Variants in PIEZO2 observed in about 807,000 individuals in gnomAD.
PIEZO2 encodes the protein piezo type mechanosensitive ion channel component 2.
Under a neutral mutation model 337.3 loss-of-function variants are expected in PIEZO2, and 172 were observed. That is an observed-to-expected ratio of 0.51 (90% CI 0.45 to 0.58). PIEZO2 has a LOEUF of 0.58. Among genes scored for constraint, PIEZO2 ranks in the 20% least tolerant of loss-of-function variants. PIEZO2 has a pLI of 0.00. For synonymous variants in PIEZO2, 1,251 were observed against 1,228.5 expected (o/e 1.02, Z -0.38); for missense variants, 3,028 against 3,391.3 (o/e 0.89, Z 2.66).
intron 7 of PIEZO2, among the ~76,000 whole-genome samples, chr18:10,841,698 G>T (rs2041197821): frequency 6.6e-6 from 1 of 152,202 alleles, no homozygotes; most frequent in Admixed American, 6.5e-5. Context: ...CCTTCAGGAT[G>T]AAATGAAAGA....
intron 39 of PIEZO2, among the ~76,000 whole-genome samples, chr18:10,711,556 G>A (rs148015318): frequency 6.6e-6 from 1 of 152,096 alleles, no homozygotes; most frequent in Non-Finnish European, 1.5e-5. Flanking sequence ...ACAAATTAAT[G>A]AAGAAAGGCA....
At position 10,834,666 on chromosome 18, in the gene PIEZO2, C is replaced by T. The variant is rs1225579716; in HGVS notation, c.917+20687G>A. On this transcript the variant is annotated intron_variant, in intron 7 of 55. Transcript: ENST00000674853. This position sits in a 1 kb window ranked among gnomAD's most constrained non-coding sequence, Gnocchi z 4.5. ...AACTGTAGGAAGAAGAAGCCAAAGCCGCAGGAGGCTAGATCAGAGAGGAAG... is the reference window on the plus strand; with the variant it reads ...AACTGTAGGAAGAAGAAGCCAAAGCTGCAGGAGGCTAGATCAGAGAGGAAG... Among the ~76,000 whole-genome samples, 3 of 152,254 alleles carry T rather than the reference C, an allele frequency of 2.0e-5. No homozygotes were observed. Among genetic ancestry groups the T allele is most frequent in the Non-Finnish European group, 4.4e-5 (3 of 68,022 alleles).
chr18:10,902,316 G>A (rs773187854), intron 4 of PIEZO2, among the ~76,000 whole-genome samples: 17 of 152,204 alleles, frequency 1.1e-4, no homozygotes, highest in Admixed American at 3.3e-4. Context: ...TGCTATGACC[G>A]AAGTTTAACT....
In PIEZO2 at chr18:10,980,642, G is replaced by C. The variant is rs763014997; in HGVS notation, c.161-982C>G. Among the ~76,000 whole-genome samples the C allele has an allele frequency of 7.2e-5, 11 of 152,074 alleles. No individual in the cohort carries two copies. Among genetic ancestry groups the C allele is most frequent in the Non-Finnish European group, 1.3e-4 (9 of 68,002 alleles). On this transcript the variant is annotated intron_variant, in intron 2 of 55. Transcript: ENST00000674853. This position sits in a 1 kb window ranked among gnomAD's most constrained non-coding sequence, Gnocchi z 4.8. ...ACAGAGAACGCCAAACTAACTCCAT[G>C]ACCAACTATCAGAATATAAGAATTT...
chr18:10,993,566 G>A lies in PIEZO2; in HGVS notation c.161-13906C>T, dbSNP rs1347050427. ...TTTTGAGGCGGAGTCTCGCTCTGTG[G>A]CCCAGGCTGGAGTACAGTGGCACGA... is the stretch of plus-strand genomic sequence containing the variant. On this transcript the variant is annotated intron_variant, in intron 2 of 55. Transcript: ENST00000674853. This position sits in a 1 kb window ranked among gnomAD's most constrained non-coding sequence, Gnocchi z 5.0. Among the ~76,000 whole-genome samples the A allele has an allele frequency of 6.6e-6, 1 of 152,040 alleles. No homozygotes were observed. The highest frequency in any genetic ancestry group is 1.5e-5 in the Non-Finnish European group (1 of 68,002).
intron 20 of PIEZO2, 145 bp from the exon 21 acceptor site, chr18:10,770,453 G>A: frequency 1.3e-6 from 1 of 756,530 alleles, no homozygotes; most frequent in Non-Finnish European, 2.0e-6. Flanking sequence ...TCTGGAATAA[G>A]GATGATGTAA....
At chr18:10,805,162 C>A in intron 8 of PIEZO2, among the ~76,000 whole-genome samples, 1 of 152,184 alleles carries the variant, frequency 6.6e-6, no homozygotes, top group East Asian at 1.9e-4. Flanking sequence ...AGCAAATGGG[C>A]TGGGAAATCT....
Position 11,035,314 on chromosome 18 carries a change from CCTCTCT to C in PIEZO2, c.160+30807_160+30812del, listed in dbSNP as rs113371336. Among the ~76,000 whole-genome samples the C allele has an allele frequency of 7.3e-5, 11 of 149,706 alleles. No homozygotes were observed. The highest frequency in any genetic ancestry group is 4.2e-4 in the South Asian group (2 of 4,722). ...AAGCCTGGCACCTTCTCTCTCTCTC[CCTCTCT>C]CTCTCTCTCTCTCTTTCTCTCTCTC... is the stretch of plus-strand genomic sequence containing the variant. On this transcript the variant is annotated intron_variant, in intron 2 of 55. Transcript: ENST00000674853. The surrounding 1 kb of genome is among the most constrained non-coding windows in gnomAD (Gnocchi z 4.3).
chr18:11,121,331 A>G (rs2040024489), intron 1 of PIEZO2, among the ~76,000 whole-genome samples: 1 of 151,950 alleles, frequency 6.6e-6, no homozygotes, highest in African/African-American at 2.4e-5. Flanking sequence ...AAGGCAGGAG[A>G]ATCACTTGAA....
At chr18:10,840,200 C>A (rs116289135) in intron 7 of PIEZO2, among the ~76,000 whole-genome samples, 1,705 of 152,142 alleles carry the variant, frequency 0.011, 36 homozygotes, top group African/African-American at 0.039. Flanking sequence ...TAGAGAAAGT[C>A]AAATACTAAC....
intron 3 of PIEZO2, among the ~76,000 whole-genome samples, chr18:10,928,641 A>G (rs1369372079): frequency 6.6e-6 from 1 of 152,250 alleles, no homozygotes; most frequent in Non-Finnish European, 1.5e-5. Flanking sequence ...CCAGGCCTTC[A>G]TGCCATCACA....
intron 7 of PIEZO2, among the ~76,000 whole-genome samples, chr18:10,844,521 G>A (rs2041291603): frequency 1.3e-5 from 2 of 151,932 alleles, no homozygotes; most frequent in South Asian, 4.2e-4. Flanking sequence ...GGGCACGGTG[G>A]CTCACGCCTG....
At chr18:10,984,497 C>G (rs1051020183) in intron 2 of PIEZO2, among the ~76,000 whole-genome samples, 1 of 151,878 alleles carries the variant, frequency 6.6e-6, no homozygotes, top group African/African-American at 2.4e-5. Context: ...AGAATAACAT[C>G]AAAGAACTCA....
In PIEZO2 at chr18:10,813,111, C is replaced by G. The variant is rs567669445; in HGVS notation, c.918-5837G>C. ...TCTCCTGCCTCAGCCTCCGGAGTAT[C>G]TAGGATTACAGGCACGCGCCACCAC... On this transcript the variant is annotated intron_variant, in intron 7 of 55. Coordinates refer to ENST00000674853, the MANE Select transcript of PIEZO2 (RefSeq NM_001378183.1). This position sits in a 1 kb window ranked among gnomAD's most constrained non-coding sequence, Gnocchi z 4.2. Among the ~76,000 whole-genome samples the G allele has an allele frequency of 6.6e-6, 1 of 151,782 alleles. No individual in the cohort carries two copies. The highest frequency in any genetic ancestry group is 2.4e-5 in the African/African-American group (1 of 41,302).
In PIEZO2 at chr18:10,670,517, C is replaced by T. The variant is rs1487735606; in HGVS notation, c.*1010G>A. On this transcript the variant is annotated 3_prime_UTR_variant, in exon 56 of 56. Coordinates refer to ENST00000674853, the MANE Select transcript of PIEZO2 (RefSeq NM_001378183.1). Reference sequence around the variant, plus strand: ...CTTTCATAATTATGAACTTAAAAAACCCGTCTCAGATGTAAAAATGTGAAT... The same window carrying T: ...CTTTCATAATTATGAACTTAAAAAATCCGTCTCAGATGTAAAAATGTGAAT... The T allele has an allele frequency of 1.3e-5, 2 of 152,134 alleles. No individual in the cohort carries two copies. Among genetic ancestry groups the T allele is most frequent in the African/African-American group, 4.8e-5 (2 of 41,422 alleles). The allele number at this position is 152,134 out of a possible 1,614,324, so 9.4% of individuals were successfully genotyped here.
At chr18:11,024,067 CCTTG>C (rs1172545551) in intron 2 of PIEZO2, among the ~76,000 whole-genome samples, 123 of 152,300 alleles carry the variant, frequency 8.1e-4, no homozygotes, top group African/African-American at 2.9e-3. Context: ...CTGGCTCCGG[CCTTG>C]GCCAGCCCAG....
rs970541388 is a variant in PIEZO2 at position 10,969,442 on chromosome 18, C to T, written c.286+10093G>A. ...TGTTACTCATCTAGGGGCTCTTCTG[C>T]CCTCACTTCTTATTGAGACCTCCTT... On this transcript the variant is annotated intron_variant, in intron 3 of 55. Transcript: ENST00000674853. This position sits in a 1 kb window ranked among gnomAD's most constrained non-coding sequence, Gnocchi z 4.5. Among the ~76,000 whole-genome samples the T allele has an allele frequency of 2.6e-5, 4 of 152,106 alleles. No homozygotes were observed. The highest frequency in any genetic ancestry group is 2.0e-4 in the Admixed American group (3 of 15,268).
At chr18:10,930,056 C>A (rs1439226549) in intron 3 of PIEZO2, among the ~76,000 whole-genome samples, 1 of 152,182 alleles carries the variant, frequency 6.6e-6, no homozygotes, top group East Asian at 1.9e-4. Flanking sequence ...AAATTCCAGC[C>A]TGACTGGTAT....
At chr18:11,007,662 T>C (rs1442614873) in intron 2 of PIEZO2, among the ~76,000 whole-genome samples, 2 of 152,122 alleles carry the variant, frequency 1.3e-5, no homozygotes, top group African/African-American at 4.8e-5. Context: ...ATGAAAAGAA[T>C]TGATGACTAA....
Sources: allele counts gnomAD v4.1 joint callset (sites outside exome capture counted in the v4.1 genomes callset), GRCh38; gene constraint gnomAD v4.1.1; non-coding constraint Gnocchi (gnomAD v3.1); transcripts MANE v1.5; gene names NCBI Gene and HGNC (gene_info 2026-07-23, HGNC 2026-07-21).